The following DDR2 variants were observed in gnomAD, a reference collection of about 807,000 sequenced individuals.
DDR2 encodes discoidin domain-containing receptor 2.
In DDR2, 27 loss-of-function variants were observed where a neutral mutation model predicts 94.9. The ratio of observed to expected loss-of-function variants is 0.28; its 90% CI spans 0.21 to 0.39. The LOEUF is 0.39. DDR2 is among the 10% of genes least tolerant of loss of function. The pLI, the probability that DDR2 is intolerant of heterozygous loss-of-function variation, is 1.00. For missense variants in DDR2, 783 were observed against 1,076.0 expected (o/e 0.73, Z 3.81); for synonymous variants, 382 against 377.2 (o/e 1.01, Z -0.15).
intron 2 of DDR2, among the ~76,000 whole-genome samples, chr1:162,672,811 G>A (rs140733689): frequency 6.6e-6 from 1 of 152,082 alleles, no homozygotes; most frequent in South Asian, 2.1e-4. Context: ...AGGATGGACT[G>A]TGCTGACTGA....
intron 2 of DDR2, among the ~76,000 whole-genome samples, chr1:162,661,398 G>A (rs781405685): frequency 1.7e-4 from 26 of 152,206 alleles, no homozygotes; most frequent in Non-Finnish European, 2.9e-4. Context: ...AAAAGGTAGC[G>A]TTGGTTTTGG....
intron 3 of DDR2, among the ~76,000 whole-genome samples, chr1:162,742,723 G>A (rs2102091590): frequency 6.6e-6 from 1 of 152,056 alleles, no homozygotes; most frequent in South Asian, 2.1e-4. Context: ...TCATGCTGCT[G>A]ATAAAGACAT....
chr1:162,690,879 C>T (rs569320505), intron 2 of DDR2, among the ~76,000 whole-genome samples: 190 of 152,262 alleles, frequency 1.2e-3, no homozygotes, highest in Admixed American at 3.3e-3. Context: ...AAAAACGGAC[C>T]TACAGTTATA....
At chr1:162,704,661 C>T (rs1660581281) in intron 2 of DDR2, among the ~76,000 whole-genome samples, 1 of 152,298 alleles carries the variant, frequency 6.6e-6, no homozygotes, top group African/African-American at 2.4e-5. Flanking sequence ...GGCATCTCTG[C>T]GGGGTCTCTT....
intron 4 of DDR2, 119 bp downstream of exon 4, chr1:162,753,316 G>C: frequency 1.1e-6 from 1 of 916,626 alleles, no homozygotes; most frequent in Admixed American, 2.0e-5. Context: ...GTTGAGAAAT[G>C]AAGGACAGAC....
chr1:162,730,223 C>T (rs557893224), intron 3 of DDR2, among the ~76,000 whole-genome samples: 1 of 152,158 alleles, frequency 6.6e-6, no homozygotes, highest in Non-Finnish European at 1.5e-5. Context: ...GCCATTTCAG[C>T]TGAAGCTACC....
At chr1:162,679,869 A>G (rs1472058321) in intron 2 of DDR2, among the ~76,000 whole-genome samples, 1 of 152,136 alleles carries the variant, frequency 6.6e-6, no homozygotes, top group Non-Finnish European at 1.5e-5. Context: ...TTTGATTTGC[A>G]GTGCTCTAAT....
chr1:162,760,218 G>T (rs947513059), intron 8 of DDR2, among the ~76,000 whole-genome samples: 7 of 152,028 alleles, frequency 4.6e-5, no homozygotes, highest in Middle Eastern at 3.4e-3. Context: ...TGACACTAAA[G>T]GTGACATATC....
intron 3 of DDR2, among the ~76,000 whole-genome samples, chr1:162,728,195 G>T (rs912338911): frequency 9.3e-5 from 13 of 140,018 alleles, no homozygotes; most frequent in Non-Finnish European, 1.5e-4. Context: ...TATATATATA[G>T]ATAGATATAT....
intron 2 of DDR2, among the ~76,000 whole-genome samples, chr1:162,675,472 G>A (rs1384714588): frequency 6.6e-6 from 1 of 152,218 alleles, no homozygotes; most frequent in Non-Finnish European, 1.5e-5. Flanking sequence ...GAACAGGTGA[G>A]CAAGGGCCTG....
In DDR2 at chr1:162,755,141, C is replaced by A. The variant is rs377097047; in HGVS notation, c.418-15C>A. 6 of 1,614,084 alleles carry A rather than the reference C, an allele frequency of 3.7e-6. No individual in the cohort carries two copies. Among genetic ancestry groups the A allele is most frequent in the Non-Finnish European group, 5.1e-6 (6 of 1,179,998 alleles). ...TTAATACCACCTCTTCACTCATTCT[C>A]TTCTCTCTCCTCAGGTGCTGGATGG... On this transcript the variant is annotated splice_polypyrimidine_tract_variant and intron_variant, in intron 5 of 17. Coordinates refer to ENST00000367921, the MANE Select transcript of DDR2 (RefSeq NM_006182.4).
At chr1:162,649,630 A>T (rs1438749180) in intron 1 of DDR2, among the ~76,000 whole-genome samples, 2 of 152,208 alleles carry the variant, frequency 1.3e-5, no homozygotes, top group Non-Finnish European at 2.9e-5. Context: ...TGGTAGGAAA[A>T]GAGAGAGTAG....
chr1:162,710,634 G>C (rs899990317), intron 2 of DDR2, among the ~76,000 whole-genome samples: 1 of 152,046 alleles, frequency 6.6e-6, no homozygotes, highest in Non-Finnish European at 1.5e-5. Context: ...CAGCAGAGAG[G>C]AAAAACAAGA....
At chr1:162,682,525 G>GA (rs1266825365) in intron 2 of DDR2, among the ~76,000 whole-genome samples, 1 of 152,198 alleles carries the variant, frequency 6.6e-6, no homozygotes, top group Non-Finnish European at 1.5e-5. Flanking sequence ...TAATTCTAGG[G>GA]GTGAGAATGA....
chr1:162,631,507 C>G (rs968139540), upstream of DDR2: 1 of 152,114 alleles, frequency 6.6e-6, no homozygotes, highest in African/African-American at 2.4e-5. Context: ...GATCTCCTGC[C>G]CCTGGGTCCC....
intron 1 of DDR2, among the ~76,000 whole-genome samples, chr1:162,636,243 G>T (rs900019698): frequency 2.6e-5 from 4 of 152,162 alleles, no homozygotes; most frequent in Non-Finnish European, 5.9e-5. Flanking sequence ...TCTTACTTTG[G>T]CTTTGAAATG....
In DDR2 at chr1:162,759,873, T is replaced by G; in HGVS notation, c.749T>G (p.Val250Gly). 1 of 1,614,136 alleles carries G rather than the reference T, an allele frequency of 6.2e-7. No homozygotes were observed. The highest frequency in any genetic ancestry group is 8.5e-7 in the Non-Finnish European group (1 of 1,180,012). The change falls in exon 8 of 18, where the codon GTG (valine) becomes GGG (glycine). Residue 250 changes from valine (V) to glycine (G), a missense_variant. Physicochemically the swap from Val to Gly is moderately radical, Grantham distance 109. Coordinates refer to ENST00000367921, the MANE Select transcript of DDR2 (RefSeq NM_006182.4). ...TTCACCCAGACCCATGAATACCACG[T>G]GTGGCCCGGCTATGACTATGTGGGC... ...DDFTQTHEYH[V>G]WPGYDYVGWR...
At chr1:162,747,722 A>T (rs1236375434) in intron 3 of DDR2, among the ~76,000 whole-genome samples, 1 of 152,238 alleles carries the variant, frequency 6.6e-6, no homozygotes, top group African/African-American at 2.4e-5. Context: ...GTTGAAATAA[A>T]GGAAAAAACG....
chr1:162,748,729 T>C lies in DDR2; in HGVS notation c.83-4366T>C, dbSNP rs547977415. Among the ~76,000 whole-genome samples the C allele has an allele frequency of 3.3e-5, 5 of 152,280 alleles. No homozygotes were observed. In the East Asian group the frequency reaches 5.8e-4, roughly 18 times the overall value. ...TCTTCTCAGCACCACATCATACTTA[T>C]TCCAAAATTGACCACATAGTTGGAA... On this transcript the variant is annotated intron_variant, in intron 3 of 17. Coordinates refer to ENST00000367921, the MANE Select transcript of DDR2 (RefSeq NM_006182.4).
Sources: allele counts gnomAD v4.1 joint callset (sites outside exome capture counted in the v4.1 genomes callset), GRCh38; gene constraint gnomAD v4.1.1; transcripts MANE v1.5; gene names NCBI Gene and HGNC (gene_info 2026-07-23, HGNC 2026-07-21).